Variants in KCNIP4 observed in about 807,000 individuals in gnomAD.
KCNIP4 encodes Kv channel-interacting protein 4.
Under a neutral mutation model 34.0 loss-of-function variants are expected in KCNIP4, and 12 were observed. The ratio of observed to expected loss-of-function variants is 0.35; its 90% confidence interval spans 0.23 to 0.57. The LOEUF (loss-of-function observed/expected upper bound fraction) is 0.57, where lower values mean the gene tolerates loss of function less well. KCNIP4 is among the 20% of genes least tolerant of loss of function. The probability of loss-of-function intolerance (pLI) is 0.83; values close to 1 mark genes in which losing one functional copy is unlikely to be tolerated. For missense variants in KCNIP4, 238 were observed against 311.7 expected (o/e 0.76, Z 1.78); for synonymous variants, 124 against 102.2 (o/e 1.21, Z -1.29).
At chr4:21,749,369 C>A (rs575686993) in intron 1 of KCNIP4, among the ~76,000 whole-genome samples, 3 of 152,104 alleles carry the variant, frequency 2.0e-5, no homozygotes, top group African/African-American at 4.8e-5. Flanking sequence ...TTAGTTTCCA[C>A]GATGATCGCT....
intron 1 of KCNIP4, among the ~76,000 whole-genome samples, chr4:21,881,422 T>C (rs997008384): frequency 2.6e-5 from 4 of 152,126 alleles, no homozygotes; most frequent in African/African-American, 9.7e-5. Flanking sequence ...ATAGTAAATA[T>C]TATTTTCAAT....
chr4:21,103,327 TATATATA>T lies in KCNIP4; in HGVS notation c.62-220625_62-220619del, dbSNP rs535126718. Among the ~76,000 whole-genome samples, 128 of 146,432 alleles carry T rather than the reference TATATATA, an allele frequency of 8.7e-4. 1 individual carries two copies. Among genetic ancestry groups the T allele is most frequent in the African/African-American group, 2.9e-3 (117 of 40,446 alleles). ...AACATATATAATATATAATATAAAA[TATATATA>T]ATATATAATATACATATAATATATA... On this transcript the variant is annotated intron_variant, in intron 1 of 8. Coordinates refer to ENST00000382152, the MANE Select transcript of KCNIP4 (RefSeq NM_025221.6).
At chr4:21,371,019 A>C (rs796601999) in intron 1 of KCNIP4, among the ~76,000 whole-genome samples, 10 of 140,532 alleles carry the variant, frequency 7.1e-5, no homozygotes, top group African/African-American at 2.8e-4. Context: ...TGGTTGATGT[A>C]TGAAACTTGT....
At chr4:21,311,166 C>T (rs1713114871) in intron 1 of KCNIP4, among the ~76,000 whole-genome samples, 1 of 152,088 alleles carries the variant, frequency 6.6e-6, no homozygotes, top group African/African-American at 2.4e-5. Flanking sequence ...GCTCTTGCTA[C>T]ACATCAAGTA....
At chr4:20,953,194 TGA>T (rs1282105557) in intron 1 of KCNIP4, among the ~76,000 whole-genome samples, 1 of 152,238 alleles carries the variant, frequency 6.6e-6, no homozygotes, top group Non-Finnish European at 1.5e-5. Context: ...CAGTCAAGTG[TGA>T]GTTACCTGTT....
At chr4:20,963,166 C>CAAA (rs150883051) in intron 1 of KCNIP4, among the ~76,000 whole-genome samples, 15 of 142,496 alleles carry the variant, frequency 1.1e-4, no homozygotes, top group African/African-American at 3.8e-4. Flanking sequence ...ACTAAAAATA[C>CAAA]AAAAAAAAAA....
At chr4:21,756,568 AAG>A (rs1420451328) in intron 1 of KCNIP4, among the ~76,000 whole-genome samples, 28 of 116,588 alleles carry the variant, frequency 2.4e-4, no homozygotes, top group Admixed American at 1.9e-3. Flanking sequence ...AAAAAAAAAA[AAG>A]AGAGAGAGAG....
chr4:21,549,887 G>C (rs1738430159), intron 1 of KCNIP4, among the ~76,000 whole-genome samples: 1 of 152,018 alleles, frequency 6.6e-6, no homozygotes, highest in Non-Finnish European at 1.5e-5. Flanking sequence ...TTAAATCTGG[G>C]AGCTGAGCTA....
chr4:21,498,283 G>C (rs1033885883), intron 1 of KCNIP4, among the ~76,000 whole-genome samples: 6 of 151,714 alleles, frequency 4.0e-5, no homozygotes, highest in Non-Finnish European at 8.8e-5. Flanking sequence ...TGGTTATTTA[G>C]AACTATGACA....
intron 1 of KCNIP4, among the ~76,000 whole-genome samples, chr4:21,387,261 CTA>C (rs1490359928): frequency 2.6e-5 from 4 of 152,150 alleles, no homozygotes; most frequent in African/African-American, 9.6e-5. Context: ...AAATGTCATT[CTA>C]TAACCAAGAA....
intron 1 of KCNIP4, among the ~76,000 whole-genome samples, chr4:21,660,431 T>C (rs78946948): frequency 0.075 from 11,406 of 152,210 alleles, 615 homozygotes; most frequent in African/African-American, 0.15. Flanking sequence ...ACATTTCACA[T>C]CAAGCAGAAT....
At chr4:20,851,631 C>T (rs1201230344) in intron 2 of KCNIP4, among the ~76,000 whole-genome samples, 2 of 152,202 alleles carry the variant, frequency 1.3e-5, no homozygotes, top group East Asian at 3.9e-4. Flanking sequence ...AATGGTTGAA[C>T]TAATTCACAC....
rs79079397 is a variant in KCNIP4, at chr4:21,892,865, A to T, written c.61+55706T>A. 5.8e-3 allele frequency among the ~76,000 whole-genome samples: 889 copies of T among 152,220 alleles called. 8 individuals carry two copies. The highest frequency in any genetic ancestry group is 0.026 in the East Asian group (135 of 5,172). ...TATTCCCACTACCCTACAGATTTTGATTTCCTAGGTCTGGAAAGAAGCCAG... is the reference window on the plus strand; with the variant it reads ...TATTCCCACTACCCTACAGATTTTGTTTTCCTAGGTCTGGAAAGAAGCCAG... On this transcript the variant is annotated intron_variant, in intron 1 of 8. Coordinates refer to ENST00000382152, the MANE Select transcript of KCNIP4 (RefSeq NM_025221.6).
intron 1 of KCNIP4, among the ~76,000 whole-genome samples, chr4:21,519,554 GTGTATGTGTA>G (rs1560480011): frequency 7.9e-5 from 5 of 63,692 alleles, no homozygotes; most frequent in African/African-American, 3.8e-4. Flanking sequence ...ACACATATGT[GTGTATGTGTA>G]TATATACACA....
At chr4:20,777,965 A>G (rs905301134) in intron 3 of KCNIP4, among the ~76,000 whole-genome samples, 2 of 152,204 alleles carry the variant, frequency 1.3e-5, no homozygotes, top group Non-Finnish European at 2.9e-5. Flanking sequence ...CTACATTTAA[A>G]AAACAGGAAT....
At chr4:21,419,420 T>A (rs1476366174) in intron 1 of KCNIP4, among the ~76,000 whole-genome samples, 1 of 152,078 alleles carries the variant, frequency 6.6e-6, no homozygotes, top group Admixed American at 6.6e-5. Context: ...AGGTGGAGAT[T>A]ATTGAGTTAG....
chr4:20,815,683 A>T (rs1260524502), intron 3 of KCNIP4, among the ~76,000 whole-genome samples: 1 of 152,160 alleles, frequency 6.6e-6, no homozygotes, highest in East Asian at 1.9e-4. Context: ...AAAACCAATT[A>T]TGTATGAAAT....
At chr4:21,794,112 G>A (rs1048605627) in intron 1 of KCNIP4, among the ~76,000 whole-genome samples, 6 of 152,060 alleles carry the variant, frequency 3.9e-5, no homozygotes, top group Non-Finnish European at 7.3e-5. Flanking sequence ...ATCACACAAT[G>A]GGGCCTGTCA....
At chr4:21,196,973 A>G (rs1756100252) in intron 1 of KCNIP4, among the ~76,000 whole-genome samples, 1 of 152,222 alleles carries the variant, frequency 6.6e-6, no homozygotes, top group Non-Finnish European at 1.5e-5. Flanking sequence ...TTCTATGGGT[A>G]AATATTATGC....
Sources: allele counts gnomAD v4.1 joint callset (sites outside exome capture counted in the v4.1 genomes callset), GRCh38; gene constraint gnomAD v4.1.1; transcripts MANE v1.5; gene names NCBI Gene and HGNC (gene_info 2026-07-23, HGNC 2026-07-21).